EXD3: variants seen among roughly 807,000 people sequenced by gnomAD.
The protein encoded by EXD3 is exonuclease 3'-5' domain containing 3.
In EXD3, 92 loss-of-function variants were observed where a neutral mutation model predicts 98.0. The observed-to-expected ratio is 0.94, with a 90% CI of 0.79 to 1.12. EXD3 has a LOEUF of 1.12. Among genes scored for constraint, EXD3 ranks in the 50% most tolerant of loss-of-function variants. The pLI, the probability that EXD3 is intolerant of heterozygous loss-of-function variation, is 0.00. For missense variants in EXD3, 1,222 were observed against 1,191.6 expected, an observed-to-expected ratio of 1.03 and a Z score of -0.38; for synonymous variants, 569 against 526.0, an observed-to-expected ratio of 1.08 and a Z score of -1.12.
rs1259883231 is a variant in EXD3 at position 137,405,851 on chromosome 9, G to A, written c.-47-10447C>T. Among the ~76,000 whole-genome samples, 1 of 152,216 alleles carries A rather than the reference G, an allele frequency of 6.6e-6. No individual in the cohort carries two copies. Among genetic ancestry groups the A allele is most frequent in the Non-Finnish European group, 1.5e-5 (1 of 68,040 alleles). On this transcript the variant is annotated intron_variant, in intron 1 of 21. Coordinates refer to ENST00000340951, the MANE Select transcript of EXD3 (RefSeq NM_017820.5). This position sits in a 1 kb window ranked among gnomAD's most constrained non-coding sequence, Gnocchi z 4.1. ...CATCTGCTGCCCTGGAACCCTTGGT[G>A]GGACCCGCTGCCCACAGACACCTTG...
chr9:137,354,727 C>T lies in EXD3; in HGVS notation c.804G>A (p.Arg268=), dbSNP rs375749516. ...CCACAAACCGCTTGTGGCACAGGTG[C>T]CGCAGGGCCGCCAGGCGCTGCTGAA... ...AAIQQRLAAL[R]HLCHKRFVEK... The change falls in exon 9 of 22, where the codon CGG becomes CGA. Residue 268 remains arginine, a synonymous_variant. Transcript: ENST00000340951. The T allele has an allele frequency of 4.9e-5, 79 of 1,610,922 alleles. No individual in the cohort carries two copies. The African/African-American group carries it at 9.6e-4, about 20-fold the overall frequency.
intron 17 of EXD3, among the ~76,000 whole-genome samples, chr9:137,345,459 C>T (rs1227542229): frequency 3.9e-5 from 6 of 152,070 alleles, no homozygotes; most frequent in Admixed American, 6.6e-5. Flanking sequence ...GTCAGGAATT[C>T]GAGACCAGCC....
chr9:137,318,166 G>A (rs1459499784), intron 19 of EXD3, among the ~76,000 whole-genome samples: 1 of 152,130 alleles, frequency 6.6e-6, no homozygotes, highest in Non-Finnish European at 1.5e-5. Context: ...GAGTGTGAAC[G>A]CTGGGGGCAG....
intron 19 of EXD3, among the ~76,000 whole-genome samples, chr9:137,314,911 G>A (rs888780154): frequency 6.6e-6 from 1 of 152,216 alleles, no homozygotes; most frequent in Non-Finnish European, 1.5e-5. Context: ...CCTCGTGCGC[G>A]GGGAGACGTC....
intron 4 of EXD3, 43 bp from the exon 5 acceptor site, chr9:137,373,115 T>C (rs1835721750): frequency 6.6e-7 from 1 of 1,515,670 alleles, no homozygotes; most frequent in Non-Finnish European, 8.8e-7. Flanking sequence ...CAGCACCCAG[T>C]GGCTGGGCCA....
intron 1 of EXD3, among the ~76,000 whole-genome samples, chr9:137,400,817 C>T (rs1373067815): frequency 2.0e-5 from 3 of 151,852 alleles, no homozygotes; most frequent in Non-Finnish European, 2.9e-5. Flanking sequence ...AAAGGGATTA[C>T]AGGGCCCACG....
intron 17 of EXD3, among the ~76,000 whole-genome samples, chr9:137,344,878 TCTC>T (rs1399223944): frequency 6.6e-6 from 1 of 151,682 alleles, no homozygotes; most frequent in Non-Finnish European, 1.5e-5. Flanking sequence ...TGTCTGGAGA[TCTC>T]CTCAGCTGAA....
intron 19 of EXD3, 113 bp downstream of exon 19, chr9:137,323,612 C>T (rs914595417): frequency 2.2e-5 from 31 of 1,435,630 alleles, no homozygotes; most frequent in East Asian, 6.9e-5. Flanking sequence ...GATGCTCTGC[C>T]GACACCCCAC....
At chr9:137,354,797 A>G (rs370371185) in intron 8 of EXD3, 24 bp from the exon 9 acceptor site, 1 of 1,600,630 alleles carries the variant, frequency 6.2e-7, no homozygotes, top group Non-Finnish European at 8.5e-7. Flanking sequence ...CCAGCTCAGC[A>G]CTGAGGGCTC....
In EXD3 at chr9:137,393,515, G is replaced by A. The variant is rs1474716090; in HGVS notation, c.55+1788C>T. ...CACACCAAGCCCCGCCCAGCTCAGA[G>A]GTGGCCCCTCCCCGAGCACACGCTG... On this transcript the variant is annotated intron_variant, in intron 2 of 21. Coordinates refer to ENST00000340951, the MANE Select transcript of EXD3 (RefSeq NM_017820.5). This position sits in a 1 kb window ranked among gnomAD's most constrained non-coding sequence, Gnocchi z 4.6. Among the ~76,000 whole-genome samples, 1 of 152,198 alleles carries A rather than the reference G, an allele frequency of 6.6e-6. No individual in the cohort carries two copies. Among genetic ancestry groups the A allele is most frequent in the East Asian group, 1.9e-4 (1 of 5,198 alleles).
chr9:137,307,053 G>A lies in EXD3; in HGVS notation c.2528C>T (p.Ser843Phe). 1 of 1,612,218 alleles carries A rather than the reference G, an allele frequency of 6.2e-7. No individual in the cohort carries two copies. The highest frequency in any genetic ancestry group is 1.1e-5 in the South Asian group (1 of 91,056). Reference sequence around the variant, plus strand: ...GTGGGTGGCAACACGACCCAGGTGGGAGCCGTCCCAGAAGACCTTTCCACA... The same window carrying A: ...GTGGGTGGCAACACGACCCAGGTGGAAGCCGTCCCAGAAGACCTTTCCACA... ...TGCGKVFWDGSHLGRVATHFR... is the reference protein window; with the variant it reads ...TGCGKVFWDGFHLGRVATHFR... Residue 843 changes from serine to phenylalanine, a missense_variant, in exon 22 of 22, where the codon TCC becomes TTC. Coordinates refer to ENST00000340951, the MANE Select transcript of EXD3 (RefSeq NM_017820.5).
rs997989226 is a variant in EXD3, at chr9:137,395,300, C to T, written c.55+3G>A. On this transcript the variant is annotated splice_donor_region_variant and intron_variant, in intron 2 of 21. Transcript: ENST00000340951. This position sits in a 1 kb window ranked among gnomAD's most constrained non-coding sequence, Gnocchi z 6.5. ...GACTCGGCACCATCAGGCTCAGACT[C>T]ACCCATGCGGTGGCGCTCGCCAGCG... is the stretch of plus-strand genomic sequence containing the variant. 5 of 1,613,194 alleles carry T rather than the reference C, an allele frequency of 3.1e-6. No homozygotes were observed. The highest frequency in any genetic ancestry group is 4.2e-6 in the Non-Finnish European group (5 of 1,179,560).
chr9:137,409,575 A>C (rs1837897114), intron 1 of EXD3, among the ~76,000 whole-genome samples: 1 of 152,136 alleles, frequency 6.6e-6, no homozygotes, highest in African/African-American at 2.4e-5. Context: ...GTATCTATCC[A>C]GGCATGGTGG....
rs372089084 is a variant in EXD3 at position 137,307,250 on chromosome 9, G to A, written c.2331C>T (p.Asp777=). Residue 777 remains aspartate (D), a synonymous_variant, in exon 22 of 22, where the codon GAC becomes GAT. Coordinates refer to ENST00000340951, the MANE Select transcript of EXD3 (RefSeq NM_017820.5). Reference sequence around the variant, plus strand: ...CATAGGTGCAGCCCTCAGGGGCTGCGTCTGGGGCTGGGCCTGGACAGATAG... The same window carrying A: ...CATAGGTGCAGCCCTCAGGGGCTGCATCTGGGGCTGGGCCTGGACAGATAG... ...QAVQEPGPAP[D]AAPEGCTYDR... is the part of the protein sequence containing the mutation. 6.1e-5 allele frequency: 94 copies of A among 1,540,454 alleles called. No individual in the cohort carries two copies. Among genetic ancestry groups the A allele is most frequent in the Non-Finnish European group, 7.2e-5 (82 of 1,144,984 alleles).
rs1411241112 is a variant in EXD3, at chr9:137,395,509, G to A, written c.-47-105C>T. ...AGGTGGTGGAGGGAGCTGGTGCCTGGGGGGGCCCAAGTGGGACCCCCAGTC... is the reference window on the plus strand; with the variant it reads ...AGGTGGTGGAGGGAGCTGGTGCCTGAGGGGGCCCAAGTGGGACCCCCAGTC... On this transcript the variant is annotated intron_variant, in intron 1 of 21. Transcript: ENST00000340951. The surrounding 1 kb of genome is among the most constrained non-coding windows in gnomAD (Gnocchi z 6.5). The A allele has an allele frequency of 1.8e-6, 2 of 1,126,744 alleles. No individual in the cohort carries two copies. The highest frequency in any genetic ancestry group is 5.2e-5 in the East Asian group (2 of 38,760). 69.8% of individuals were successfully genotyped at this position (1,126,744 alleles called of 1,614,324 possible). A position where few individuals can be genotyped will look rare whatever the true frequency, so the allele number is the denominator to read the frequency against.
intron 3 of EXD3, among the ~76,000 whole-genome samples, chr9:137,376,516 C>T (rs548175472): frequency 3.2e-4 from 48 of 152,206 alleles, no homozygotes; most frequent in South Asian, 6.2e-4. Flanking sequence ...CAAAGTGTGC[C>T]TGCTGGAGTT....
rs1002441677 is a variant in EXD3, at chr9:137,420,033, G to T, written c.-48+3081C>A. Among the ~76,000 whole-genome samples the T allele has an allele frequency of 4.6e-5, 7 of 152,060 alleles. 1 individual carries two copies. In the East Asian group the frequency reaches 1.4e-3, roughly 29 times the overall value. ...AAATTAGCCGGGCATGGTGGCAGGT[G>T]CCTGTAGTCCCAGCTACTCGGGAGG... On this transcript the variant is annotated intron_variant, in intron 1 of 21. Transcript: ENST00000340951.
chr9:137,401,965 A>G (rs1022085844), intron 1 of EXD3, among the ~76,000 whole-genome samples: 10 of 152,178 alleles, frequency 6.6e-5, no homozygotes, highest in Admixed American at 2.0e-4. Context: ...CTACTGCGTC[A>G]GGTTGCACAT....
Position 137,373,086 on chromosome 9 carries a change from GA to G in EXD3, c.295-15del, listed in dbSNP as rs1250403212. On this transcript the variant is annotated splice_polypyrimidine_tract_variant and intron_variant, in intron 4 of 21. Coordinates refer to ENST00000340951, the MANE Select transcript of EXD3 (RefSeq NM_017820.5). ...CCTCAGGCTGTGCTGGAAGAGCAGG[GA>G]CCCAGACTTACTGGACGCAGCACCC... 1.3e-6 allele frequency: 2 copies of G among 1,547,530 alleles called. No individual in the cohort carries two copies. The highest frequency in any genetic ancestry group is 2.4e-5 in the South Asian group (2 of 82,140).
Sources: allele counts gnomAD v4.1 joint callset (sites outside exome capture counted in the v4.1 genomes callset), GRCh38; gene constraint gnomAD v4.1.1; non-coding constraint Gnocchi (gnomAD v3.1); transcripts MANE v1.5; gene names NCBI Gene and HGNC (gene_info 2026-07-23, HGNC 2026-07-21).